CACNB2: variants seen among roughly 807,000 people sequenced by gnomAD.
The protein encoded by CACNB2 is voltage-dependent L-type calcium channel subunit beta-2.
A neutral mutation model predicts 73.3 loss-of-function variants in CACNB2; 42 were observed. The ratio of observed to expected loss-of-function variants is 0.57; its 90% CI spans 0.45 to 0.74. The LOEUF is 0.74. CACNB2 is among the 30% of genes least tolerant of loss of function. The pLI, the probability that CACNB2 is intolerant of heterozygous loss-of-function variation, is 0.00. For missense variants in CACNB2, 940 were observed against 853.0 expected (o/e 1.10, Z -1.27); for synonymous variants, 348 against 310.3 (o/e 1.12, Z -1.28).
At chr10:18,156,322 A>AT (rs752547386) in intron 2 of CACNB2, among the ~76,000 whole-genome samples, 4 of 152,246 alleles carry the variant, frequency 2.6e-5, no homozygotes, top group Non-Finnish European at 5.9e-5. Flanking sequence ...TGAAGGTTCC[A>AT]TTTTGTTAAT....
At chr10:18,350,838 C>T (rs1319011713) in intron 2 of CACNB2, among the ~76,000 whole-genome samples, 1 of 152,146 alleles carries the variant, frequency 6.6e-6, no homozygotes, top group East Asian at 1.9e-4. Context: ...GACAGGGTCT[C>T]GTTCTGCCGT....
intron 10 of CACNB2, among the ~76,000 whole-genome samples, chr10:18,533,586 G>C (rs563904417): frequency 6.6e-6 from 1 of 152,064 alleles, no homozygotes; most frequent in African/African-American, 2.4e-5. Context: ...TGCCATTCAC[G>C]TCTTTGCTGT....
Position 18,539,620 on chromosome 10 carries a change from C to A in CACNB2, c.1879C>A (p.Arg627Ser), listed in dbSNP as rs753259405. 2 of 1,613,358 alleles carry A rather than the reference C, an allele frequency of 1.2e-6. No homozygotes were observed. Among genetic ancestry groups the A allele is most frequent in the African/African-American group, 2.7e-5 (2 of 74,748 alleles). Residue 627 changes from arginine to serine, a missense_variant, in exon 14 of 14, where the codon CGT becomes AGT. Physicochemically the swap from Arg to Ser is moderately radical, Grantham distance 110. Transcript: ENST00000324631. ...CAACGAGTGCAACAAGCAGCGCAGC[C>A]GTCATAAATCCAAGGATCGCTACTG... Reference protein sequence around the residue: ...DHNECNKQRSRHKSKDRYCEK... With the variant: ...DHNECNKQRSSHKSKDRYCEK...
At chr10:18,330,898 G>A (rs2040773632) in intron 2 of CACNB2, among the ~76,000 whole-genome samples, 1 of 151,534 alleles carries the variant, frequency 6.6e-6, no homozygotes, top group Non-Finnish European at 1.5e-5. Context: ...CGAACTCCTG[G>A]CCTCATAATC....
rs192520490 is a variant in CACNB2 at position 18,415,551 on chromosome 10, C to T, written c.333+13508C>T. ...TGGACCCCAACACTGCTGGAGAAGG[C>T]AGTGCTGATGACCAGAGAAGGGCAC... On this transcript the variant is annotated intron_variant, in intron 3 of 13. Coordinates refer to ENST00000324631, the MANE Select transcript of CACNB2 (RefSeq NM_201596.3). Among the ~76,000 whole-genome samples the T allele has an allele frequency of 4.4e-3, 670 of 152,018 alleles. 1 individual carries two copies. Among genetic ancestry groups the T allele is most frequent in the African/African-American group, 0.015 (640 of 41,480 alleles).
rs71402158 is a variant in CACNB2, at chr10:18,356,942, C to CTTTTT, written c.214-44966_214-44962dup. Among the ~76,000 whole-genome samples, 65 of 101,110 alleles carry CTTTTT rather than the reference C, an allele frequency of 6.4e-4. 1 individual carries two copies. The highest frequency in any genetic ancestry group is 9.2e-4 in the Non-Finnish European group (45 of 49,166). 66.3% of individuals were successfully genotyped at this position (101,110 alleles called of 152,430 possible). On this transcript the variant is annotated intron_variant, in intron 2 of 13. Transcript: ENST00000324631. ...ACTGTGCCTGGCCCAGACTCAATTT[C>CTTTTT]TTTTTTTTTTTTTTTTTTTTGAGAC... is the stretch of plus-strand genomic sequence containing the variant.
intron 3 of CACNB2, among the ~76,000 whole-genome samples, chr10:18,421,150 T>C (rs1458338223): frequency 6.6e-6 from 1 of 152,168 alleles, no homozygotes; most frequent in Non-Finnish European, 1.5e-5. Flanking sequence ...CAAGAAAATC[T>C]ATCAATTCAA....
chr10:18,343,816 G>C (rs1217316619), intron 2 of CACNB2, among the ~76,000 whole-genome samples: 1 of 152,072 alleles, frequency 6.6e-6, no homozygotes, highest in African/African-American at 2.4e-5. Context: ...GGCTGGGAGG[G>C]GAAAGCAAAT....
At chr10:18,395,989 C>T (rs1000197322) in intron 2 of CACNB2, among the ~76,000 whole-genome samples, 2 of 152,196 alleles carry the variant, frequency 1.3e-5, no homozygotes, top group Non-Finnish European at 2.9e-5. Context: ...CAGGGTCTCC[C>T]TCTGTCACCC....
At chr10:18,486,876 G>A (rs2049086639) in intron 3 of CACNB2, among the ~76,000 whole-genome samples, 1 of 152,188 alleles carries the variant, frequency 6.6e-6, no homozygotes, top group Non-Finnish European at 1.5e-5. Context: ...TTGTCTCACG[G>A]CAGGGAAATC....
chr10:18,236,780 G>C (rs1276955738), intron 2 of CACNB2, among the ~76,000 whole-genome samples: 5 of 152,150 alleles, frequency 3.3e-5, no homozygotes, highest in African/African-American at 1.2e-4. Context: ...TTGCATCAGT[G>C]ATCCAAGTGT....
At chr10:18,362,127 ACACT>A (rs2042168268) in intron 2 of CACNB2, among the ~76,000 whole-genome samples, 1 of 152,218 alleles carries the variant, frequency 6.6e-6, no homozygotes, top group South Asian at 2.1e-4. Context: ...TTAACAATTA[ACACT>A]CAGTTTATCT....
chr10:18,293,106 A>T (rs543501983), intron 2 of CACNB2, among the ~76,000 whole-genome samples: 36 of 152,178 alleles, frequency 2.4e-4, no homozygotes, highest in Non-Finnish European at 3.1e-4. Context: ...TTTTTCTGTT[A>T]TAGACAGTTA....
At position 18,151,273 on chromosome 10, in the gene CACNB2, GT is replaced by G. The variant is rs111647206; in HGVS notation, c.213+312del. The G allele has an allele frequency of 0.041, 8,003 of 196,912 alleles. 17 individuals carry two copies. Among genetic ancestry groups the G allele is most frequent in the South Asian group, 0.12 (1,331 of 11,056 alleles). 12.2% of individuals were successfully genotyped at this position (196,912 alleles called of 1,614,324 possible). On this transcript the variant is annotated intron_variant, in intron 2 of 13. Coordinates refer to ENST00000324631, the MANE Select transcript of CACNB2 (RefSeq NM_201596.3). Reference sequence around the variant, plus strand: ...AAATGATTATGGATTTGGGGGGATTGTTTTTTTTTTTTTTCAGTGGGACAGA... The same window carrying G: ...AAATGATTATGGATTTGGGGGGATTGTTTTTTTTTTTTTCAGTGGGACAGA...
chr10:18,187,573 T>C (rs1353784944), intron 2 of CACNB2, among the ~76,000 whole-genome samples: 1 of 152,172 alleles, frequency 6.6e-6, no homozygotes, highest in Non-Finnish European at 1.5e-5. Flanking sequence ...CATAGAGGGT[T>C]CTTATATTTT....
intron 3 of CACNB2, among the ~76,000 whole-genome samples, chr10:18,494,797 G>A (rs998121319): frequency 7.2e-5 from 11 of 151,904 alleles, no homozygotes; most frequent in Non-Finnish European, 1.5e-4. Context: ...GTAAAACTGA[G>A]TTTGATGAAG....
chr10:18,505,879 C>A (rs534404831), intron 5 of CACNB2, among the ~76,000 whole-genome samples: 1 of 152,308 alleles, frequency 6.6e-6, no homozygotes, highest in African/African-American at 2.4e-5. Flanking sequence ...ACGTGAGTCA[C>A]GCTTGAGAAG....
At chr10:18,234,421 C>T (rs1306846773) in intron 2 of CACNB2, among the ~76,000 whole-genome samples, 1 of 151,960 alleles carries the variant, frequency 6.6e-6, no homozygotes, top group Non-Finnish European at 1.5e-5. Context: ...AAGCAGGGAC[C>T]GAGAGAGAGA....
chr10:18,467,678 G>C (rs1453886458), intron 3 of CACNB2, among the ~76,000 whole-genome samples: 1 of 152,162 alleles, frequency 6.6e-6, no homozygotes, highest in Non-Finnish European at 1.5e-5. Context: ...TCAGGAACCT[G>C]GGAGCCCAAT....
Sources: allele counts gnomAD v4.1 joint callset (sites outside exome capture counted in the v4.1 genomes callset), GRCh38; gene constraint gnomAD v4.1.1; transcripts MANE v1.5; gene names NCBI Gene and HGNC (gene_info 2026-07-23, HGNC 2026-07-21).